The following SERINC5 variants were observed in gnomAD, a reference collection of about 807,000 sequenced individuals.
The protein encoded by SERINC5 is chromosome 5 open reading frame 12.
A neutral mutation model predicts 63.1 loss-of-function variants in SERINC5; 41 were observed. The ratio of observed to expected loss-of-function variants is 0.65; its 90% CI spans 0.51 to 0.84. The LOEUF (loss-of-function observed/expected upper bound fraction) is 0.84, where lower values mean the gene tolerates loss of function less well. SERINC5 is among the 40% of genes least tolerant of loss of function. The pLI, the probability that SERINC5 is intolerant of heterozygous loss-of-function variation, is 0.00. For missense variants in SERINC5, 523 were observed against 573.0 expected (o/e 0.91, Z 0.89); for synonymous variants, 222 against 215.2 (o/e 1.03, Z -0.28).
chr5:80,148,676 A>AG (rs1337061903), intron 9 of SERINC5, among the ~76,000 whole-genome samples: 1 of 152,030 alleles, frequency 6.6e-6, no homozygotes, highest in East Asian at 1.9e-4. Context: ...TCAAAAAAAA[A>AG]AAAGCAAAGA....
At chr5:80,131,294 C>G (rs186299996) in intron 11 of SERINC5, among the ~76,000 whole-genome samples, 1 of 152,332 alleles carries the variant, frequency 6.6e-6, no homozygotes, top group East Asian at 1.9e-4. Flanking sequence ...TGCCTGCCAC[C>G]ATGTAAGACA....
Position 80,149,545 on chromosome 5 carries a change from C to T in SERINC5, c.1053+1337G>A, listed in dbSNP as rs114876896. On this transcript the variant is annotated intron_variant, in intron 9 of 11. Coordinates refer to ENST00000507668, the MANE Select transcript of SERINC5 (RefSeq NM_001174072.3). Reference sequence around the variant, plus strand: ...TAAAACGCAGGCAGTGGCCAGAAACCAGCTGCCCGCAGTCAGCAGCAAGGA... The same window carrying T: ...TAAAACGCAGGCAGTGGCCAGAAACTAGCTGCCCGCAGTCAGCAGCAAGGA... 6.8e-3 allele frequency among the ~76,000 whole-genome samples: 1,034 copies of T among 152,332 alleles called. 9 individuals are homozygous for T. The highest frequency in any genetic ancestry group is 0.022 in the African/African-American group (896 of 41,574).
At chr5:80,238,103 CAAAAAAAAAAAAA>C (rs759062486) in intron 1 of SERINC5, among the ~76,000 whole-genome samples, 2 of 65,676 alleles carry the variant, frequency 3.0e-5, no homozygotes, top group Non-Finnish European at 6.1e-5. Context: ...GACTCTGTCT[CAAAAAAAAAAAAA>C]AAAAAAGAAA....
intron 1 of SERINC5, among the ~76,000 whole-genome samples, chr5:80,247,630 GGTAA>G (rs1752221461): frequency 6.6e-6 from 1 of 152,100 alleles, no homozygotes; most frequent in Admixed American, 6.5e-5. Context: ...TACTGTTCAA[GGTAA>G]GTGACAGAGG....
chr5:80,174,967 A>T lies in SERINC5; in HGVS notation c.538T>A (p.Trp180Arg), dbSNP rs1747932756. Residue 180 changes from tryptophan (W) to arginine (R), a missense_variant, in exon 5 of 12, where the codon TGG becomes AGG. Physicochemically the swap from Trp to Arg is moderately radical, Grantham distance 101 (BLOSUM62 -3). Transcript: ENST00000507668. ...AAAGGCACACACCAGTTCTTGTTCC[A>T]CTTATGTGCAAACTCCACGAGCAGG... ...LLLLVEFAHKWNKNWTAGTAS... is the reference protein window; with the variant it reads ...LLLLVEFAHKRNKNWTAGTAS... 1 of 1,598,844 alleles carries T rather than the reference A, an allele frequency of 6.3e-7. No homozygotes were observed. The highest frequency in any genetic ancestry group is 8.5e-7 in the Non-Finnish European group (1 of 1,172,364).
chr5:80,227,888 G>C (rs986238449), intron 1 of SERINC5, among the ~76,000 whole-genome samples: 1 of 151,610 alleles, frequency 6.6e-6, no homozygotes, highest in Non-Finnish European at 1.5e-5. Context: ...AGGTAAGAAG[G>C]TTTAAAAGTT....
downstream of SERINC5, among the ~76,000 whole-genome samples, chr5:80,137,848 G>C (rs1011783818): frequency 5.3e-5 from 8 of 152,130 alleles, no homozygotes; most frequent in South Asian, 1.2e-3. Flanking sequence ...GGCTGAGGCA[G>C]GAGGATTGCT....
intron 11 of SERINC5, among the ~76,000 whole-genome samples, 196 bp downstream of exon 11, chr5:80,145,894 C>A (rs1376332750): frequency 6.6e-6 from 1 of 152,202 alleles, no homozygotes; most frequent in African/African-American, 2.4e-5. Flanking sequence ...CATGTAATCC[C>A]AGCTACTCGG....
intron 2 of SERINC5, among the ~76,000 whole-genome samples, chr5:80,193,445 GAA>G (rs533915580): frequency 6.6e-6 from 1 of 152,062 alleles, no homozygotes; most frequent in Non-Finnish European, 1.5e-5. Flanking sequence ...GATGACTACA[GAA>G]AAAAACGTGT....
chr5:80,190,901 TG>T (rs952646405), intron 2 of SERINC5, among the ~76,000 whole-genome samples: 54 of 152,150 alleles, frequency 3.5e-4, no homozygotes, highest in African/African-American at 1.2e-3. Context: ...GCCCAGCAGC[TG>T]GGGAACTAGG....
chr5:80,145,846 C>G (rs1233899906), intron 11 of SERINC5, among the ~76,000 whole-genome samples: 2 of 152,130 alleles, frequency 1.3e-5, no homozygotes, highest in Non-Finnish European at 2.9e-5. Flanking sequence ...CCCGTCTCAA[C>G]TAAAAATATA....
rs566314568 is a variant in SERINC5, at chr5:80,160,325, A to G, written c.860-1363T>C. ...TAAACACTACGTAACAAAGATTCCTATAATATAACCATCAGTGGTAATTTA... is the reference window on the plus strand; with the variant it reads ...TAAACACTACGTAACAAAGATTCCTGTAATATAACCATCAGTGGTAATTTA... On this transcript the variant is annotated intron_variant, in intron 7 of 11. Transcript: ENST00000507668. Among the ~76,000 whole-genome samples the G allele has an allele frequency of 5.3e-5, 8 of 152,324 alleles. No homozygotes were observed. The East Asian group carries it at 1.5e-3, about 29-fold the overall frequency.
chr5:80,242,227 T>TA (rs1435269526), intron 1 of SERINC5, among the ~76,000 whole-genome samples: 1 of 152,128 alleles, frequency 6.6e-6, no homozygotes, highest in East Asian at 1.9e-4. Flanking sequence ...ATCACGTCTA[T>TA]AAAAAGCATA....
At position 80,232,140 on chromosome 5, in the gene SERINC5, C is replaced by T. The variant is rs537830696; in HGVS notation, c.27+23756G>A. Among the ~76,000 whole-genome samples, 115 of 150,806 alleles carry T rather than the reference C, an allele frequency of 7.6e-4. 2 individuals carry two copies. Among genetic ancestry groups the T allele is most frequent in the African/African-American group, 2.7e-3 (109 of 41,050 alleles). On this transcript the variant is annotated intron_variant, in intron 1 of 11. Transcript: ENST00000507668. ...AAAAAAAAGGCCGGGCAAGGTGGCT[C>T]ACGCCTGTAATCCCAGCATTTTGGG...
downstream of SERINC5, among the ~76,000 whole-genome samples, chr5:80,137,251 CA>C (rs2112271486): frequency 6.6e-6 from 1 of 151,448 alleles, no homozygotes; most frequent in East Asian, 2.0e-4. Context: ...GGAATGACAT[CA>C]GTATGTCAAA....
At chr5:80,154,603 C>G (rs544329778) in intron 8 of SERINC5, among the ~76,000 whole-genome samples, 2 of 152,186 alleles carry the variant, frequency 1.3e-5, no homozygotes, top group South Asian at 2.1e-4. Flanking sequence ...CCCACCCCCC[C>G]ATAAAGGCCC....
chr5:80,240,534 T>A (rs1292136196), intron 1 of SERINC5, among the ~76,000 whole-genome samples: 1 of 152,238 alleles, frequency 6.6e-6, no homozygotes, highest in East Asian at 1.9e-4. Context: ...CTGCTTAATG[T>A]GGTAATTTTT....
At chr5:80,126,441 TGCTAGATGCTTCTAAGC>T in intron 11 of SERINC5, among the ~76,000 whole-genome samples, 1 of 152,336 alleles carries the variant, frequency 6.6e-6, no homozygotes, top group Non-Finnish European at 1.5e-5. Context: ...TATCTTTTAG[TGCTAGATGCTTCTAAGC>T]CTTTCTCCAC....
intron 2 of SERINC5, chr5:80,198,573 T>A (rs372645069): frequency 1.0e-6 from 1 of 985,416 alleles, no homozygotes. Context: ...GTTACAAGCA[T>A]GCAGTTCTTT....
Sources: allele counts gnomAD v4.1 joint callset (sites outside exome capture counted in the v4.1 genomes callset), GRCh38; gene constraint gnomAD v4.1.1; transcripts MANE v1.5; gene names NCBI Gene and HGNC (gene_info 2026-07-23, HGNC 2026-07-21).